The following MCU variants were observed in gnomAD, a reference collection of about 807,000 sequenced individuals.
MCU encodes calcium uniporter protein, mitochondrial.
A neutral mutation model predicts 45.2 loss-of-function variants in MCU; 12 were observed. The observed-to-expected ratio is 0.27, with a 90% CI of 0.17 to 0.43. The LOEUF (loss-of-function observed/expected upper bound fraction) is 0.43. Ranked by LOEUF, MCU falls within the 20% of genes least tolerant of loss-of-function variation. MCU has a pLI of 1.00. For missense variants in MCU, 324 were observed against 436.7 expected (o/e 0.74, Z 2.30); for synonymous variants, 160 against 165.1 (o/e 0.97, Z 0.24).
chr10:72,780,511 A>AGTGTGTGTGTGTGTGTGTGTGTGTGTGT lies in MCU; in HGVS notation c.151-53835_151-53808dup, dbSNP rs60306247. ...AATGTTCTGAAGTATTCTTTGGCTA[A>AGTGTGTGTGTGTGTGTGTGTGTGTGTGT]GTGTGTGTGTGTGTGTGTGTGTGTG... On this transcript the variant is annotated intron_variant, in intron 1 of 7. Transcript: ENST00000373053. 9.9e-3 allele frequency among the ~76,000 whole-genome samples: 1,094 copies of AGTGTGTGTGTGTGTGTGTGTGTGTGTGT among 110,570 alleles called. 62 individuals carry two copies. Among genetic ancestry groups the AGTGTGTGTGTGTGTGTGTGTGTGTGTGT allele is most frequent in the East Asian group, 0.024 (62 of 2,602 alleles). 72.5% of individuals were successfully genotyped at this position (110,570 alleles called of 152,430 possible).
chr10:72,824,877 A>T (rs1284650916), intron 1 of MCU, among the ~76,000 whole-genome samples: 1 of 152,176 alleles, frequency 6.6e-6, no homozygotes, highest in Non-Finnish European at 1.5e-5. Context: ...CACAAAGCAT[A>T]CTTCTTGATT....
At position 72,720,047 on chromosome 10, in the gene MCU, AT is replaced by A. The variant is rs796966224; in HGVS notation, c.150+27757del. 3.4e-3 allele frequency among the ~76,000 whole-genome samples: 499 copies of A among 147,832 alleles called. 3 individuals are homozygous for A. The highest frequency in any genetic ancestry group is 0.011 in the African/African-American group (458 of 40,454). On this transcript the variant is annotated intron_variant, in intron 1 of 7. Coordinates refer to ENST00000373053, the MANE Select transcript of MCU (RefSeq NM_138357.3). ...CAAAATACTACGCCCATCTAATTAA[AT>A]TTTTTTTTTTGGAGAGACAAGGTCT...
intron 1 of MCU, among the ~76,000 whole-genome samples, chr10:72,786,600 G>A (rs1481064137): frequency 6.6e-6 from 1 of 152,028 alleles, no homozygotes; most frequent in Non-Finnish European, 1.5e-5. Context: ...ACAAAAATTA[G>A]CAGGGCGTGG....
chr10:72,777,179 C>T (rs530055071), intron 1 of MCU, among the ~76,000 whole-genome samples: 2 of 152,258 alleles, frequency 1.3e-5, no homozygotes, highest in South Asian at 4.1e-4. Context: ...CAATGATATC[C>T]TTCACAGAAA....
chr10:72,877,604 CAA>C (rs1046874824), intron 6 of MCU, among the ~76,000 whole-genome samples: 1 of 151,808 alleles, frequency 6.6e-6, no homozygotes, highest in Non-Finnish European at 1.5e-5. Flanking sequence ...AATTGTTAGA[CAA>C]AACATAATAC....
rs146026742 is a variant in MCU, at chr10:72,751,999, T to C, written c.150+59698T>C. Reference sequence around the variant, plus strand: ...GGACTACAGGCACCCGCCACCACGCTGAGCCAATTTTTTGTATTTTTAATA... The same window carrying C: ...GGACTACAGGCACCCGCCACCACGCCGAGCCAATTTTTTGTATTTTTAATA... On this transcript the variant is annotated intron_variant, in intron 1 of 7. Transcript: ENST00000373053. Among the ~76,000 whole-genome samples, 896 of 151,744 alleles carry C rather than the reference T, an allele frequency of 5.9e-3. 11 individuals are homozygous for C. Among genetic ancestry groups the C allele is most frequent in the African/African-American group, 0.02 (845 of 41,370 alleles).
intron 1 of MCU, among the ~76,000 whole-genome samples, chr10:72,804,073 T>G: frequency 1.7e-5 from 1 of 59,748 alleles, no homozygotes; most frequent in African/African-American, 8.0e-5. Context: ...TATATATATA[T>G]AAAATAAGAG....
At chr10:72,851,381 AAG>A (rs1283710775) in intron 2 of MCU, among the ~76,000 whole-genome samples, 2 of 152,186 alleles carry the variant, frequency 1.3e-5, no homozygotes, top group African/African-American at 4.8e-5. Flanking sequence ...CCAATTTGTC[AAG>A]AGAGGAGAAC....
intron 1 of MCU, among the ~76,000 whole-genome samples, chr10:72,763,455 G>A (rs1365974854): frequency 6.6e-6 from 1 of 152,006 alleles, no homozygotes; most frequent in African/African-American, 2.4e-5. Flanking sequence ...TTGAGCTAAG[G>A]GGAGCTACAT....
intron 1 of MCU, among the ~76,000 whole-genome samples, chr10:72,755,146 A>ATTTT (rs11397520): frequency 6.5e-5 from 8 of 123,672 alleles, no homozygotes; most frequent in African/African-American, 1.2e-4. Flanking sequence ...TGAACCTGAG[A>ATTTT]TTTTTTTTTT....
intron 1 of MCU, among the ~76,000 whole-genome samples, chr10:72,744,627 C>T (rs932351316): frequency 1.3e-5 from 2 of 152,184 alleles, no homozygotes; most frequent in Admixed American, 6.6e-5. Context: ...GAGACTTCGT[C>T]TCAAAATTCA....
At chr10:72,819,881 G>A (rs545077259) in intron 1 of MCU, among the ~76,000 whole-genome samples, 3 of 151,838 alleles carry the variant, frequency 2.0e-5, no homozygotes, top group Non-Finnish European at 4.4e-5. Context: ...GTAGTATATA[G>A]TTAAATTATA....
chr10:72,733,675 T>A (rs1843210265), intron 1 of MCU, among the ~76,000 whole-genome samples: 1 of 106,236 alleles, frequency 9.4e-6, no homozygotes, highest in Non-Finnish European at 1.8e-5. Flanking sequence ...CCGATATATA[T>A]GTTTCATATA....
intron 1 of MCU, among the ~76,000 whole-genome samples, chr10:72,804,675 T>C (rs1323134504): frequency 2.0e-5 from 3 of 152,208 alleles, no homozygotes; most frequent in African/African-American, 7.2e-5. Context: ...TCACAGTCAT[T>C]GTAGTATTAA....
intron 1 of MCU, among the ~76,000 whole-genome samples, chr10:72,707,198 CTTTT>C (rs1327443362): frequency 2.3e-5 from 3 of 129,622 alleles, no homozygotes; most frequent in Non-Finnish European, 3.3e-5. Flanking sequence ...ATTTTGAAAT[CTTTT>C]TTTTTTTTTT....
intron 1 of MCU, among the ~76,000 whole-genome samples, chr10:72,741,958 G>A (rs1339427861): frequency 6.7e-6 from 1 of 148,688 alleles, no homozygotes; most frequent in African/African-American, 2.5e-5. Flanking sequence ...AACCCGGGAG[G>A]CGGAGCTTGT....
At chr10:72,845,457 A>G (rs530281932) in intron 2 of MCU, among the ~76,000 whole-genome samples, 1 of 152,306 alleles carries the variant, frequency 6.6e-6, no homozygotes, top group South Asian at 2.1e-4. Context: ...TCAGTCAACA[A>G]TGGGCCACAT....
intron 1 of MCU, among the ~76,000 whole-genome samples, chr10:72,741,687 G>A (rs1843333891): frequency 6.6e-6 from 1 of 152,146 alleles, no homozygotes; most frequent in Admixed American, 6.5e-5. Context: ...TAAAACTTCT[G>A]TCTGATTAGT....
intron 1 of MCU, among the ~76,000 whole-genome samples, chr10:72,780,492 C>G (rs965744919): frequency 2.1e-5 from 2 of 95,336 alleles, no homozygotes; most frequent in African/African-American, 6.5e-5. Context: ...TTTTAATGTT[C>G]TGAAGTATTC....
Sources: allele counts gnomAD v4.1 joint callset (sites outside exome capture counted in the v4.1 genomes callset), GRCh38; gene constraint gnomAD v4.1.1; transcripts MANE v1.5; gene names NCBI Gene and HGNC (gene_info 2026-07-23, HGNC 2026-07-21).